The following CADPS2 variants were observed in gnomAD, a reference collection of about 807,000 sequenced individuals.
CADPS2 encodes calcium-dependent secretion activator 2.
A neutral mutation model predicts 172.5 loss-of-function variants in CADPS2; 93 were observed. The ratio of observed to expected loss-of-function variants is 0.54; its 90% CI spans 0.46 to 0.64. The LOEUF (loss-of-function observed/expected upper bound fraction) is 0.64. CADPS2 is among the 30% of genes least tolerant of loss of function. CADPS2 has a pLI of 0.00. For missense variants in CADPS2, 1,420 were observed against 1,565.9 expected (o/e 0.91, Z 1.57); for synonymous variants, 546 against 555.2 (o/e 0.98, Z 0.23).
intron 1 of CADPS2, among the ~76,000 whole-genome samples, chr7:122,865,943 T>C (rs1352458779): frequency 6.6e-6 from 1 of 152,172 alleles, no homozygotes; most frequent in African/African-American, 2.4e-5. Context: ...AAGACTAAAG[T>C]CTAAGAAGAA....
At chr7:122,353,742 T>G (rs933139557) in intron 27 of CADPS2, among the ~76,000 whole-genome samples, 17 of 152,200 alleles carry the variant, frequency 1.1e-4, no homozygotes, top group African/African-American at 3.9e-4. Flanking sequence ...AATGCAGAAA[T>G]CTTCAGTACC....
intron 1 of CADPS2, among the ~76,000 whole-genome samples, chr7:122,814,680 A>T (rs1800869940): frequency 6.6e-6 from 1 of 152,144 alleles, no homozygotes; most frequent in East Asian, 1.9e-4. Context: ...TCTGATCCAT[A>T]AAGCATAAAA....
chr7:122,691,616 T>G (rs1176351220), intron 2 of CADPS2, among the ~76,000 whole-genome samples: 9 of 152,204 alleles, frequency 5.9e-5, no homozygotes, highest in Non-Finnish European at 1.3e-4. Flanking sequence ...TGACATATGA[T>G]GAGGCTATGC....
intron 25 of CADPS2, among the ~76,000 whole-genome samples, chr7:122,363,505 G>A (rs2040452863): frequency 6.7e-6 from 1 of 149,048 alleles, no homozygotes; most frequent in Non-Finnish European, 1.5e-5. Flanking sequence ...ATTTGCTGAG[G>A]GACAAAGCAA....
chr7:122,668,409 A>C (rs1016679179), intron 2 of CADPS2, among the ~76,000 whole-genome samples: 2 of 151,780 alleles, frequency 1.3e-5, no homozygotes, highest in African/African-American at 2.4e-5. Context: ...GGTTAAAAAA[A>C]AAAAAAAAAC....
chr7:122,536,998 G>C lies in CADPS2; in HGVS notation c.1475+17552C>G, dbSNP rs142018886. On this transcript the variant is annotated intron_variant, in intron 8 of 29. Transcript: ENST00000449022. ...GAACACATGGGCACATAGAGGAGAA[G>C]ACCACATACTGAGACTTTTTTGAGG... Among the ~76,000 whole-genome samples the C allele has an allele frequency of 2.9e-3, 438 of 151,996 alleles. 1 individual carries two copies. The highest frequency in any genetic ancestry group is 0.01 in the African/African-American group (416 of 41,494).
At chr7:122,831,166 T>G (rs1430270428) in intron 1 of CADPS2, among the ~76,000 whole-genome samples, 1 of 152,134 alleles carries the variant, frequency 6.6e-6, no homozygotes, top group Non-Finnish European at 1.5e-5. Flanking sequence ...TTGAACATAA[T>G]CAACTGGGGT....
intron 19 of CADPS2, chr7:122,409,579 C>A (rs768086344): frequency 8.6e-6 from 4 of 464,522 alleles, no homozygotes; most frequent in Non-Finnish European, 1.8e-5. Context: ...CCTGATGATG[C>A]TATTCTTAAT....
intron 8 of CADPS2, among the ~76,000 whole-genome samples, chr7:122,521,453 C>A (rs1230310443): frequency 8.3e-6 from 1 of 120,882 alleles, no homozygotes; most frequent in Non-Finnish European, 1.6e-5. Context: ...TTTGACCCCA[C>A]AAGATTAAGA....
intron 1 of CADPS2, among the ~76,000 whole-genome samples, chr7:122,825,202 C>T (rs183121103): frequency 2.3e-4 from 35 of 152,246 alleles, no homozygotes; most frequent in Admixed American, 2.3e-3. Context: ...GGCAAAGTTA[C>T]AAATATGTTT....
At chr7:122,686,504 G>A (rs948951703) in intron 2 of CADPS2, among the ~76,000 whole-genome samples, 2 of 152,186 alleles carry the variant, frequency 1.3e-5, no homozygotes, top group African/African-American at 4.8e-5. Flanking sequence ...GGAGGACTTG[G>A]TGAACCAGAT....
intron 8 of CADPS2, among the ~76,000 whole-genome samples, chr7:122,529,996 C>T (rs1045911283): frequency 6.6e-6 from 1 of 152,066 alleles, no homozygotes; most frequent in Non-Finnish European, 1.5e-5. Context: ...TTACTTTAGA[C>T]TCTATAAGAC....
intron 3 of CADPS2, among the ~76,000 whole-genome samples, chr7:122,637,730 C>T (rs914580167): frequency 2.0e-5 from 3 of 152,186 alleles, no homozygotes; most frequent in African/African-American, 4.8e-5. Flanking sequence ...CATAAAGAGA[C>T]ACTCTGCCTT....
chr7:122,448,174 A>G (rs2052554752), intron 15 of CADPS2, among the ~76,000 whole-genome samples: 1 of 152,194 alleles, frequency 6.6e-6, no homozygotes, highest in Non-Finnish European at 1.5e-5. Flanking sequence ...GAATAAATCA[A>G]TGTTGAGAAG....
At chr7:122,758,418 T>C (rs144804429) in intron 1 of CADPS2, among the ~76,000 whole-genome samples, 3 of 152,326 alleles carry the variant, frequency 2.0e-5, no homozygotes, top group East Asian at 1.9e-4. Flanking sequence ...TGTATTATAA[T>C]GACCACAGGG....
At chr7:122,673,354 G>A (rs2082062135) in intron 2 of CADPS2, among the ~76,000 whole-genome samples, 1 of 152,190 alleles carries the variant, frequency 6.6e-6, no homozygotes, top group Admixed American at 6.5e-5. Context: ...CGTTTTGACA[G>A]GGTGCTCATT....
intron 15 of CADPS2, among the ~76,000 whole-genome samples, chr7:122,445,189 A>G (rs1024519248): frequency 1.3e-5 from 2 of 152,120 alleles, no homozygotes; most frequent in Non-Finnish European, 2.9e-5. Context: ...GCTATGGTAA[A>G]TTCTTTGCAT....
intron 1 of CADPS2, among the ~76,000 whole-genome samples, chr7:122,785,665 T>C (rs1652799913): frequency 6.6e-6 from 1 of 152,148 alleles, no homozygotes; most frequent in African/African-American, 2.4e-5. Flanking sequence ...ATCTACCCAT[T>C]GAGGTCCTTT....
intron 1 of CADPS2, among the ~76,000 whole-genome samples, chr7:122,778,883 G>A (rs1389892897): frequency 6.6e-6 from 1 of 152,210 alleles, no homozygotes; most frequent in Non-Finnish European, 1.5e-5. Context: ...CAGTTTGGCT[G>A]TGTCCCCACC....
Sources: allele counts gnomAD v4.1 joint callset (sites outside exome capture counted in the v4.1 genomes callset), GRCh38; gene constraint gnomAD v4.1.1; transcripts MANE v1.5; gene names NCBI Gene and HGNC (gene_info 2026-07-23, HGNC 2026-07-21).